The following CDH7 variants were observed in gnomAD, a reference collection of about 807,000 sequenced individuals.
The protein encoded by CDH7 is cadherin-7.
CDH7 carries 25 observed loss-of-function variants against 71.8 expected under a neutral mutation model. The ratio of observed to expected loss-of-function variants is 0.35; its 90% CI spans 0.25 to 0.49. CDH7 has a LOEUF of 0.49. CDH7 is among the 20% of genes least tolerant of loss of function. The pLI is 0.99. For synonymous variants in CDH7, 381 were observed against 363.8 expected (o/e 1.05, Z -0.54); for missense variants, 862 against 974.6 (o/e 0.88, Z 1.54).
In CDH7 at chr18:65,886,631, T is replaced by C. The variant is rs1914381070; in HGVS notation, c.*5737T>C. ...ATAGAGAAAAAGACAATAATGAGTA[T>C]AAGTTAAGTGGTCTTCCAGGCATCC... On this transcript the variant is annotated 3_prime_UTR_variant, in exon 12 of 12. Transcript: ENST00000397968. The C allele has an allele frequency of 6.6e-6, 1 of 152,158 alleles. No individual in the cohort carries two copies. Among genetic ancestry groups the C allele is most frequent in the Non-Finnish European group, 1.5e-5 (1 of 68,024 alleles). The allele number at this position is 152,158 out of a possible 1,614,324, so 9.4% of individuals were successfully genotyped here.
intron 2 of CDH7, among the ~76,000 whole-genome samples, chr18:65,783,311 A>G (rs1255772645): frequency 6.6e-6 from 1 of 152,244 alleles, no homozygotes; most frequent in Non-Finnish European, 1.5e-5. Flanking sequence ...ATTAACAGAA[A>G]GATAATTATA....
intron 2 of CDH7, among the ~76,000 whole-genome samples, chr18:65,778,549 T>TTTTTTTTTTTTTTTC (rs1267851629): frequency 6.8e-6 from 1 of 146,802 alleles, no homozygotes; most frequent in Non-Finnish European, 1.5e-5. Flanking sequence ...TTTTTTTTTT[T>TTTTTTTTTTTTTTTC]ACATAAAAAT....
chr18:65,842,468 A>G (rs1912769350), intron 6 of CDH7, among the ~76,000 whole-genome samples: 1 of 151,846 alleles, frequency 6.6e-6, no homozygotes, highest in Admixed American at 6.6e-5. Flanking sequence ...AAACATATAT[A>G]TACACATATG....
intron 6 of CDH7, among the ~76,000 whole-genome samples, chr18:65,827,545 C>T (rs912568827): frequency 1.3e-5 from 2 of 151,788 alleles, no homozygotes; most frequent in African/African-American, 4.8e-5. Context: ...ACATGATTTT[C>T]CATATCATTT....
chr18:65,762,910 G>T lies in CDH7; in HGVS notation c.68G>T (p.Gly23Val). Reference protein sequence around the residue: ...QLIALFLCFSGMSQAELSRSR... With the variant: ...QLIALFLCFSVMSQAELSRSR... Reference sequence around the variant, plus strand: ...ATAGCTCTTTTCCTGTGTTTTTCTGGGATGAGTCAAGCAGAACTCTCAAGG... The same window carrying T: ...ATAGCTCTTTTCCTGTGTTTTTCTGTGATGAGTCAAGCAGAACTCTCAAGG... The change falls in exon 2 of 12, where the codon GGG (glycine) becomes GTG (valine). Residue 23 changes from glycine to valine, a missense_variant. Physicochemically the swap from Gly to Val is moderately radical, Grantham distance 109 (BLOSUM62 -3). Coordinates refer to ENST00000397968, the MANE Select transcript of CDH7 (RefSeq NM_004361.5). 1 of 1,613,560 alleles carries T rather than the reference G, an allele frequency of 6.2e-7. No individual in the cohort carries two copies. The highest frequency in any genetic ancestry group is 2.2e-5 in the East Asian group (1 of 44,848).
chr18:65,828,987 T>A (rs775491953), intron 6 of CDH7, among the ~76,000 whole-genome samples: 1 of 152,142 alleles, frequency 6.6e-6, no homozygotes, highest in African/African-American at 2.4e-5. Context: ...GCAAAATAGA[T>A]CTGATTTTTA....
chr18:65,877,763 A>G (rs886871191), intron 11 of CDH7, among the ~76,000 whole-genome samples: 2 of 152,126 alleles, frequency 1.3e-5, no homozygotes, highest in Admixed American at 6.6e-5. Context: ...TTTCTACTAC[A>G]ATTGCTTTCA....
chr18:65,826,518 T>C (rs1912136363), intron 6 of CDH7, among the ~76,000 whole-genome samples: 1 of 149,386 alleles, frequency 6.7e-6, no homozygotes, highest in African/African-American at 2.4e-5. Flanking sequence ...AAATTTTTAT[T>C]CAAAAATTAT....
chr18:65,800,923 A>T (rs12960557), intron 2 of CDH7, among the ~76,000 whole-genome samples: 33,770 of 152,002 alleles, frequency 0.22, 4,648 homozygotes, highest in Middle Eastern at 0.29. Context: ...AACTCTTAGG[A>T]GCATCCTTTT....
At chr18:65,768,775 T>C (rs1568175132) in intron 2 of CDH7, among the ~76,000 whole-genome samples, 1 of 152,104 alleles carries the variant, frequency 6.6e-6, no homozygotes. Context: ...TTGGGAGAAA[T>C]TGGGTCCTCA....
chr18:65,834,520 G>A lies in CDH7; in HGVS notation c.982-9292G>A, dbSNP rs191792775. On this transcript the variant is annotated intron_variant, in intron 6 of 11. Coordinates refer to ENST00000397968, the MANE Select transcript of CDH7 (RefSeq NM_004361.5). ...AAGAAAGACTCAGAGAAGGCAAACT[G>A]TTTTATTCTTCCAGAATTAAGATAT... Among the ~76,000 whole-genome samples, 14 of 152,216 alleles carry A rather than the reference G, an allele frequency of 9.2e-5. No homozygotes were observed. The East Asian group carries it at 1.7e-3, about 19-fold the overall frequency.
At chr18:65,850,173 A>ATATATATATATATAT (rs145348057) in intron 7 of CDH7, among the ~76,000 whole-genome samples, 35 of 65,306 alleles carry the variant, frequency 5.4e-4, no homozygotes, top group African/African-American at 2.1e-3. Flanking sequence ...CACTATATAT[A>ATATATATATATATAT]ATATATATAT....
chr18:65,815,202 G>A (rs1464659326), intron 4 of CDH7, among the ~76,000 whole-genome samples: 3 of 152,096 alleles, frequency 2.0e-5, no homozygotes, highest in Non-Finnish European at 4.4e-5. Context: ...AGCTGAAACT[G>A]TTTACATTAA....
rs374524732 is a variant in CDH7 at position 65,821,585 on chromosome 18, A to G, written c.626-496A>G. ...TGCCTAAAATATAGATCTGTTGCAG[A>G]TGTATGTGTGTGTTTGTGTTTGAGA... On this transcript the variant is annotated intron_variant, in intron 4 of 11. Transcript: ENST00000397968. Among the ~76,000 whole-genome samples, 13 of 152,222 alleles carry G rather than the reference A, an allele frequency of 8.5e-5. No individual in the cohort carries two copies. The East Asian group carries it at 1.5e-3, about 18-fold the overall frequency.
At chr18:65,849,656 A>G in intron 7 of CDH7, among the ~76,000 whole-genome samples, 1 of 151,544 alleles carries the variant, frequency 6.6e-6, no homozygotes, top group Non-Finnish European at 1.5e-5. Flanking sequence ...CAGGTGATCC[A>G]TCTGCCTCAG....
chr18:65,848,025 T>G (rs1057369859), intron 7 of CDH7, among the ~76,000 whole-genome samples: 1 of 152,118 alleles, frequency 6.6e-6, no homozygotes, highest in Non-Finnish European at 1.5e-5. Flanking sequence ...CGTTTCCGGC[T>G]TGTTATTTGA....
chr18:65,846,697 ACTGGTTCC>A (rs947438986), intron 7 of CDH7, among the ~76,000 whole-genome samples: 6 of 152,276 alleles, frequency 3.9e-5, no homozygotes, highest in Admixed American at 3.3e-4. Flanking sequence ...TCTCTGGAAG[ACTGGTTCC>A]CTTCCCAGCA....
chr18:65,834,214 G>T (rs1231857121), intron 6 of CDH7, among the ~76,000 whole-genome samples: 2 of 152,198 alleles, frequency 1.3e-5, no homozygotes, highest in Non-Finnish European at 2.9e-5. Flanking sequence ...CTGAATACTT[G>T]CATTGTTCTT....
intron 2 of CDH7, among the ~76,000 whole-genome samples, chr18:65,799,018 A>G (rs75264118): frequency 0.044 from 6,749 of 152,094 alleles, 487 homozygotes; most frequent in African/African-American, 0.15. Context: ...GGAATTCACA[A>G]GAAGATTAGG....
Sources: gnomAD v4.1 joint callset for allele counts (sites outside exome capture counted in the v4.1 genomes callset) on GRCh38, gnomAD v4.1.1 for gene constraint, MANE v1.5 for transcripts, NCBI Gene and HGNC (gene_info 2026-07-23, HGNC 2026-07-21) for gene names.